The following EMG1 variants were observed in gnomAD, a reference collection of about 807,000 sequenced individuals.
The protein encoded by EMG1 is ribosomal RNA small subunit methyltransferase NEP1.
Under a neutral mutation model 26.9 loss-of-function variants are expected in EMG1, and 24 were observed. The observed-to-expected ratio is 0.89, with a 90% confidence interval of 0.65 to 1.26. EMG1 has a LOEUF of 1.26. Ranked by LOEUF, EMG1 falls within the 50% of genes most tolerant of loss-of-function variation. The pLI is 0.00. For missense variants in EMG1, 299 were observed against 307.6 expected (o/e 0.97, Z 0.21); for synonymous variants, 140 against 112.6 (o/e 1.24, Z -1.54).
At chr12:6,980,683 GCCTA>G (rs1297908375), downstream of EMG1, 1 of 174,458 alleles carries the variant, frequency 5.7e-6, no homozygotes, top group African/African-American at 2.4e-5. Flanking sequence ...CTATCAACCT[GCCTA>G]CCTACCTATC....
chr12:6,991,516 C>T (rs1325986692), downstream of EMG1, among the ~76,000 whole-genome samples: 1 of 152,164 alleles, frequency 6.6e-6, no homozygotes, highest in Non-Finnish European at 1.5e-5. Context: ...CCTTAAATTT[C>T]ACCATTGATT....
At chr12:6,974,291 G>C in intron 1 of EMG1, 48 bp from the exon 2 acceptor site, 1 of 1,398,770 alleles carries the variant, frequency 7.1e-7, no homozygotes, top group Non-Finnish European at 1.0e-6. Context: ...CACGGGGCTA[G>C]GTAACAGAAG....
Position 6,987,925 on chromosome 12 carries a change from T to C in EMG1, c.*211+87T>C, listed in dbSNP as rs1946544214. ...GTGTCCACTTCTTATAGCCTGTCTG[T>C]CCCTTTCCTTGCTACTCTGGGATCA... On this transcript the variant is annotated intron_variant and NMD_transcript_variant, in intron 7 of 7. Transcript: ENST00000261406. The surrounding 1 kb of genome is among the most constrained non-coding windows in gnomAD (Gnocchi z 4.1). 2.5e-6 allele frequency: 1 copy of C among 399,884 alleles called. No individual in the cohort carries two copies. The highest frequency in any genetic ancestry group is 4.4e-6 in the Non-Finnish European group (1 of 225,882). 24.8% of individuals were successfully genotyped at this position (399,884 alleles called of 1,614,324 possible).
Position 6,974,703 on chromosome 12 carries a change from CTTAGAACAAAG to C in EMG1, c.412+17_412+27del. 3 of 1,613,686 alleles carry C rather than the reference CTTAGAACAAAG, an allele frequency of 1.9e-6. No individual in the cohort carries two copies. Among genetic ancestry groups the C allele is most frequent in the Non-Finnish European group, 2.5e-6 (3 of 1,179,838 alleles). ...TTTTGTGGCCTCATGGGTAAGAAGC[CTTAGAACAAAG>C]TTAGAATGAACTTGTCAGTAGGGAA... On this transcript the variant is annotated intron_variant, in intron 3 of 5. Coordinates refer to ENST00000599672, the MANE Select transcript of EMG1 (RefSeq NM_006331.8).
At chr12:6,982,062 G>A (rs374907269), downstream of EMG1, among the ~76,000 whole-genome samples, 6 of 152,308 alleles carry the variant, frequency 3.9e-5, 1 homozygote, top group Non-Finnish European at 1.5e-5. Flanking sequence ...GTAATGGGAA[G>A]AGCGTTGCTC....
Position 6,994,856 on chromosome 12 carries a change from TGGCTCCTA to T in EMG1, c.*212-2367_*212-2360del, listed in dbSNP as rs1946624000. Among the ~76,000 whole-genome samples the T allele has an allele frequency of 2.6e-5, 4 of 152,244 alleles. 1 individual carries two copies. The South Asian group carries it at 8.3e-4, about 32-fold the overall frequency. On this transcript the variant is annotated intron_variant and NMD_transcript_variant, in intron 7 of 7. Transcript: ENST00000607161. ...TTTCTTTCACCGAAGGCATTTTTTC[TGGCTCCTA>T]GATGTTGCTGACCCCCAGGATCCAG...
downstream of EMG1, chr12:6,982,680 T>TG: frequency 6.2e-7 from 1 of 1,610,666 alleles, no homozygotes; most frequent in South Asian, 1.1e-5. Flanking sequence ...GTTTACCATC[T>TG]GGAAGCAAAA....
Position 6,970,989 on chromosome 12 carries a change from G to A in EMG1, c.66G>A (p.Trp22Ter). ...ERSGGEQAQD[W>*]DALPPKRPRL... ...GCGGTGGGGAGCAGGCACAGGACTG[G>A]GATGCTCTGCCACCCAAGCGGCCCC... Residue 22 changes from tryptophan (W) to a stop codon, truncating the protein, a stop_gained, in exon 1 of 6, where the codon TGG becomes TGA. Transcript: ENST00000599672. LOFTEE classifies it high-confidence loss of function. 6.2e-7 allele frequency: 1 copy of A among 1,612,578 alleles called. No homozygotes were observed. The highest frequency in any genetic ancestry group is 1.1e-5 in the South Asian group (1 of 90,748).
At chr12:6,972,628 T>C (rs782455776) in intron 1 of EMG1, among the ~76,000 whole-genome samples, 8 of 152,302 alleles carry the variant, frequency 5.3e-5, no homozygotes, top group Admixed American at 1.3e-4. Context: ...ACATCAAACT[T>C]CTGATGTCTT....
chr12:6,982,790 CAAG>C, downstream of EMG1: 1 of 1,592,584 alleles, frequency 6.3e-7, no homozygotes, highest in Non-Finnish European at 8.6e-7. Context: ...TTCCTGGATG[CAAG>C]AAGAGAGAAT....
At position 6,979,720 on chromosome 12, in the gene EMG1, G is replaced by A. The variant is rs1321774824; in HGVS notation, c.*3911G>A. ...GATGAGAAGCTCTGCTGCCCAAAGT[G>A]TTTCCTGTTTCAGGGAAAGATTTCT... On this transcript the variant is annotated 3_prime_UTR_variant, in exon 6 of 6. Transcript: ENST00000599672. 1.1e-5 allele frequency: 7 copies of A among 631,960 alleles called. No individual in the cohort carries two copies. The highest frequency in any genetic ancestry group is 1.8e-5 in the African/African-American group (1 of 54,572). The allele number at this position is 631,960 out of a possible 1,614,324, so 39.1% of individuals were successfully genotyped here.
At chr12:6,989,566 G>A (rs1182997947), downstream of EMG1, among the ~76,000 whole-genome samples, 1 of 152,076 alleles carries the variant, frequency 6.6e-6, no homozygotes, top group Non-Finnish European at 1.5e-5. Flanking sequence ...CCAAAGTGCT[G>A]GGATTACAAG....
chr12:6,980,850 C>T (rs1555153966), downstream of EMG1: 3 of 583,368 alleles, frequency 5.1e-6, no homozygotes, highest in Non-Finnish European at 8.5e-6. Context: ...AAAAAGGGCC[C>T]ACTCCTGGCA....
At position 6,977,132 on chromosome 12, in the gene EMG1, AC is replaced by A. The variant is rs202115738; in HGVS notation, c.*1325del. ...AGTTTTAGTTTAGCTGTATTAACTT[AC>A]CAGGGAAATGGATTATTCCATCTTC... On this transcript the variant is annotated 3_prime_UTR_variant, in exon 6 of 6. Coordinates refer to ENST00000599672, the MANE Select transcript of EMG1 (RefSeq NM_006331.8). This position sits in a 1 kb window ranked among gnomAD's most constrained non-coding sequence, Gnocchi z 4.5. 7,680 of 1,544,530 alleles carry A rather than the reference AC, an allele frequency of 5.0e-3. 276 individuals carry two copies. The African/African-American group carries it at 0.072, about 14-fold the overall frequency.
At chr12:6,971,983 C>T (rs1946335682) in intron 1 of EMG1, among the ~76,000 whole-genome samples, 1 of 152,128 alleles carries the variant, frequency 6.6e-6, no homozygotes, top group Admixed American at 6.6e-5. Context: ...TTCTCTTACC[C>T]GTTAGAACTA....
At chr12:6,974,136 G>T (rs1946364306) in intron 1 of EMG1, among the ~76,000 whole-genome samples, 1 of 152,184 alleles carries the variant, frequency 6.6e-6, no homozygotes, top group African/African-American at 2.4e-5. Context: ...GTGCAAATAA[G>T]GCTGCACAGT....
At chr12:6,990,782 T>TG (rs2138342736), downstream of EMG1, among the ~76,000 whole-genome samples, 1 of 150,906 alleles carries the variant, frequency 6.6e-6, no homozygotes, top group Non-Finnish European at 1.5e-5. Context: ...CCAGACATGG[T>TG]GGCAGGCGCC....
In EMG1 at chr12:6,987,763, C is replaced by G. The variant is rs1555154967; in HGVS notation, c.*155-19C>G. 2.5e-6 allele frequency: 1 copy of G among 400,616 alleles called. No homozygotes were observed. Among genetic ancestry groups the G allele is most frequent in the Non-Finnish European group, 4.4e-6 (1 of 226,232 alleles). The allele number at this position is 400,616 out of a possible 1,614,324, so 24.8% of individuals were successfully genotyped here. On this transcript the variant is annotated intron_variant and NMD_transcript_variant, in intron 6 of 7. Transcript: ENST00000261406. The surrounding 1 kb of genome is among the most constrained non-coding windows in gnomAD (Gnocchi z 4.1). ...ATTACTCTGCCTCTTTAAGTTGAAT[C>G]TAATTTAACATTTTCTAGGTGTCTG...
downstream of EMG1, chr12:6,981,646 G>A (rs1393337868): frequency 1.3e-6 from 2 of 1,596,708 alleles, no homozygotes; most frequent in Non-Finnish European, 1.7e-6. Flanking sequence ...AGCAGAGAGA[G>A]AACGGATGGG....
Sources: allele counts gnomAD v4.1 joint callset (sites outside exome capture counted in the v4.1 genomes callset), GRCh38; gene constraint gnomAD v4.1.1; non-coding constraint Gnocchi (gnomAD v3.1); transcripts MANE v1.5; gene names NCBI Gene and HGNC (gene_info 2026-07-23, HGNC 2026-07-21).